COPS3: variants seen among roughly 807,000 people sequenced by gnomAD.
COPS3 encodes COP9 signalosome complex subunit 3.
A neutral mutation model predicts 58.2 loss-of-function variants in COPS3; 10 were observed. The ratio of observed to expected loss-of-function variants is 0.17; its 90% confidence interval spans 0.11 to 0.29. The LOEUF (loss-of-function observed/expected upper bound fraction) is 0.29. Among genes scored for constraint, COPS3 ranks in the 10% least tolerant of loss-of-function variants. The pLI is 1.00. For synonymous variants in COPS3, 187 were observed against 181.7 expected (o/e 1.03, Z -0.24); for missense variants, 333 against 510.1 (o/e 0.65, Z 3.34).
chr17:17,278,331 A>G (rs1233764731), intron 1 of COPS3, among the ~76,000 whole-genome samples: 3 of 152,242 alleles, frequency 2.0e-5, no homozygotes, highest in Admixed American at 2.0e-4. Flanking sequence ...GAGCAACTGC[A>G]TAATCTTTTC....
At chr17:17,261,142 G>T (rs1273184436) in intron 7 of COPS3, among the ~76,000 whole-genome samples, 2 of 152,112 alleles carry the variant, frequency 1.3e-5, no homozygotes, top group Non-Finnish European at 2.9e-5. Flanking sequence ...AGAGAAGAAA[G>T]GAGTCAAAAC....
intron 9 of COPS3, among the ~76,000 whole-genome samples, chr17:17,253,698 C>T (rs1295303130): frequency 6.6e-6 from 1 of 152,172 alleles, no homozygotes; most frequent in Non-Finnish European, 1.5e-5. Flanking sequence ...AGCAAGATTT[C>T]TTGCTGCAGC....
chr17:17,249,161 T>A, intron 9 of COPS3, 122 bp from the exon 10 acceptor site: 1 of 595,838 alleles, frequency 1.7e-6, no homozygotes, highest in South Asian at 2.2e-5. Flanking sequence ...AACTTGTATA[T>A]TTTTAAGCGC....
At chr17:17,249,144 A>G in intron 9 of COPS3, 105 bp from the exon 10 acceptor site, 1 of 639,762 alleles carries the variant, frequency 1.6e-6, no homozygotes. Flanking sequence ...CAACATGGAT[A>G]TAAATAAACT....
At chr17:17,281,060 G>C in intron 1 of COPS3, 72 bp downstream of exon 1, 1 of 1,521,208 alleles carries the variant, frequency 6.6e-7, no homozygotes. Context: ...CCAGCCGTCC[G>C]TGCTGGCGCC....
intron 1 of COPS3, chr17:17,280,827 G>A (rs1218807027): frequency 4.0e-6 from 5 of 1,237,606 alleles, no homozygotes; most frequent in South Asian, 1.7e-5. Context: ...ATGGCTCCTG[G>A]CGGAAGTCAC....
chr17:17,264,492 A>C (rs1230696026), intron 6 of COPS3, among the ~76,000 whole-genome samples: 6 of 152,222 alleles, frequency 3.9e-5, no homozygotes, highest in African/African-American at 1.2e-4. Context: ...CACTCAGTTC[A>C]ATCTCTTCCT....
At position 17,247,631 on chromosome 17, in the gene COPS3, TGTTCACAAGGGTGCTATAG is replaced by T. The variant is rs2047752602; in HGVS notation, c.1138-90_1138-72del. On this transcript the variant is annotated intron_variant, in intron 10 of 11. Transcript: ENST00000268717. ...CAGCTGCATCCTTTCTAACTTACAC[TGTTCACAAGGGTGCTATAG>T]GTTCACAATCTCTTGATGTGAAACC... The T allele has an allele frequency of 2.8e-5, 41 of 1,453,998 alleles. No homozygotes were observed. In the South Asian group the frequency reaches 4.2e-4, roughly 15 times the overall value. 90.1% of individuals were successfully genotyped at this position (1,453,998 alleles called of 1,614,324 possible).
intron 6 of COPS3, among the ~76,000 whole-genome samples, chr17:17,262,353 T>A (rs1353724065): frequency 6.6e-6 from 1 of 152,130 alleles, no homozygotes; most frequent in Non-Finnish European, 1.5e-5. Context: ...CTCAAACTCC[T>A]TGGGTTCAAG....
In COPS3 at chr17:17,268,118, G is replaced by A. The variant is rs1262648053; in HGVS notation, c.349-141C>T. 1.5e-5 allele frequency: 18 copies of A among 1,213,422 alleles called. No individual in the cohort carries two copies. In the South Asian group the frequency reaches 4.9e-4, roughly 33 times the overall value. 75.2% of individuals were successfully genotyped at this position (1,213,422 alleles called of 1,614,324 possible). A position where few individuals can be genotyped will look rare whatever the true frequency, so the allele number is the denominator to read the frequency against. On this transcript the variant is annotated intron_variant, in intron 4 of 11. Coordinates refer to ENST00000268717, the MANE Select transcript of COPS3 (RefSeq NM_003653.4). ...ATATGAGGTTTCCATACTCTTTCAG[G>A]AAATTTCTGTCCCATTTAAGTCAGA...
intron 9 of COPS3, among the ~76,000 whole-genome samples, chr17:17,249,387 G>A (rs112689333): frequency 0.058 from 8,752 of 151,964 alleles, 551 homozygotes; most frequent in African/African-American, 0.15. Context: ...GCAGTGGTGC[G>A]TTCTTGGCTC....
chr17:17,278,072 A>AT (rs1424505084), intron 1 of COPS3, among the ~76,000 whole-genome samples: 1 of 151,974 alleles, frequency 6.6e-6, no homozygotes, highest in African/African-American at 2.4e-5. Context: ...CAATCCTTGA[A>AT]CCCGGGAGAT....
At chr17:17,260,278 T>G in intron 8 of COPS3, 23 bp downstream of exon 8, 1 of 1,610,352 alleles carries the variant, frequency 6.2e-7, no homozygotes, top group Non-Finnish European at 8.5e-7. Flanking sequence ...GGAGCTGCCC[T>G]GTGAAGGTGG....
At chr17:17,254,150 AAAAATTAGTCAGGC>A (rs2047909823) in intron 9 of COPS3, among the ~76,000 whole-genome samples, 5 of 151,848 alleles carry the variant, frequency 3.3e-5, no homozygotes, top group Admixed American at 3.3e-4. Flanking sequence ...AAAAAAATAC[AAAAATTAGTCAGGC>A]ATGGTGACAC....
intron 10 of COPS3, among the ~76,000 whole-genome samples, chr17:17,248,483 T>A (rs909648308): frequency 1.3e-5 from 2 of 151,914 alleles, no homozygotes; most frequent in African/African-American, 4.8e-5. Flanking sequence ...CCCGGCTGAT[T>A]TTTTATTTTT....
intron 1 of COPS3, among the ~76,000 whole-genome samples, chr17:17,277,264 T>C (rs573298450): frequency 6.6e-6 from 1 of 152,300 alleles, no homozygotes; most frequent in Admixed American, 6.5e-5. Context: ...CGCATGGGAC[T>C]GTAGTGGTTA....
intron 9 of COPS3, among the ~76,000 whole-genome samples, chr17:17,250,254 C>CA (rs2047812726): frequency 7.8e-6 from 1 of 127,640 alleles, no homozygotes; most frequent in African/African-American, 3.0e-5. Context: ...CTTACATCGC[C>CA]TTTTTTTTTT....
intron 8 of COPS3, among the ~76,000 whole-genome samples, chr17:17,257,062 C>G (rs1348128774): frequency 6.6e-6 from 1 of 152,140 alleles, no homozygotes; most frequent in Non-Finnish European, 1.5e-5. Context: ...GATCCCATCT[C>G]TACAAAAAAT....
chr17:17,247,007 A>AC lies in COPS3; in HGVS notation c.*90dup. 1 of 1,121,880 alleles carries AC rather than the reference A, an allele frequency of 8.9e-7. No individual in the cohort carries two copies. Among genetic ancestry groups the AC allele is most frequent in the South Asian group, 1.2e-5 (1 of 80,990 alleles). 69.5% of individuals were successfully genotyped at this position (1,121,880 alleles called of 1,614,324 possible). A position where few individuals can be genotyped will look rare whatever the true frequency, so the allele number is the denominator to read the frequency against. On this transcript the variant is annotated 3_prime_UTR_variant, in exon 12 of 12. Coordinates refer to ENST00000268717, the MANE Select transcript of COPS3 (RefSeq NM_003653.4). ...AACTTAATTTCTTAGTCTCCAGGTG[A>AC]CACAGGCTTGGTCCTCTCTGCTGCC...
Sources: gnomAD v4.1 joint callset for allele counts (sites outside exome capture counted in the v4.1 genomes callset) on GRCh38, gnomAD v4.1.1 for gene constraint, MANE v1.5 for transcripts, NCBI Gene and HGNC (gene_info 2026-07-23, HGNC 2026-07-21) for gene names.